Variants in PCNX1 observed in about 807,000 individuals in gnomAD.
PCNX1 encodes pecanex-like protein 1.
A neutral mutation model predicts 242.2 loss-of-function variants in PCNX1; 78 were observed. That is an observed-to-expected ratio of 0.32 (90% CI 0.27 to 0.39). PCNX1 has a LOEUF of 0.39. Ranked by LOEUF, PCNX1 falls within the 10% of genes least tolerant of loss-of-function variation. PCNX1 has a pLI of 1.00. For missense variants in PCNX1, 2,581 were observed against 2,856.5 expected (o/e 0.90, Z 2.20); for synonymous variants, 1,024 against 1,032.9 (o/e 0.99, Z 0.17).
chr14:70,934,811 T>G (rs552156185), intron 1 of PCNX1, among the ~76,000 whole-genome samples: 4 of 152,280 alleles, frequency 2.6e-5, no homozygotes, highest in South Asian at 2.1e-4. Flanking sequence ...AGGGTTTCAG[T>G]TTTGTAAAAC....
chr14:71,041,000 A>T (rs753099983), intron 19 of PCNX1, among the ~76,000 whole-genome samples: 10 of 152,034 alleles, frequency 6.6e-5, no homozygotes, highest in Non-Finnish European at 1.2e-4. Context: ...AAATGACAAA[A>T]TCTCATTCTT....
chr14:71,010,228 T>C (rs2059785910), intron 9 of PCNX1, among the ~76,000 whole-genome samples: 1 of 152,084 alleles, frequency 6.6e-6, no homozygotes, highest in African/African-American at 2.4e-5. Context: ...AGTGGCACAG[T>C]GTTTTCCCAC....
At chr14:70,998,782 A>T (rs1262746519) in intron 8 of PCNX1, among the ~76,000 whole-genome samples, 1 of 150,436 alleles carries the variant, frequency 6.6e-6, no homozygotes, top group African/African-American at 2.4e-5. Flanking sequence ...AGAAAAACTG[A>T]CATAGTTTTC....
In PCNX1 at chr14:71,028,686, C is replaced by A; in HGVS notation, c.3467-14C>A. On this transcript the variant is annotated splice_polypyrimidine_tract_variant and intron_variant, in intron 15 of 35. Transcript: ENST00000304743. The stretch of plus-strand genomic sequence containing the variant: ...TTTATAAAATGTTTCTTACCTTTTC[C>A]TTTTCCTGTCTAGCCACTACAAGCC... 2 of 1,522,588 alleles carry A rather than the reference C, an allele frequency of 1.3e-6. No individual in the cohort carries two copies. The highest frequency in any genetic ancestry group is 2.8e-5 in the African/African-American group (2 of 71,744). The allele number at this position is 1,522,588 out of a possible 1,614,324, so 94.3% of individuals were successfully genotyped here.
At chr14:71,080,111 C>A (rs1238809492) in intron 28 of PCNX1, among the ~76,000 whole-genome samples, 1 of 152,156 alleles carries the variant, frequency 6.6e-6, no homozygotes, top group Non-Finnish European at 1.5e-5. Context: ...TTTCCCAGCA[C>A]CATTTATTAA....
intron 2 of PCNX1, among the ~76,000 whole-genome samples, chr14:70,957,079 T>G (rs2058024968): frequency 6.6e-6 from 1 of 152,098 alleles, no homozygotes; most frequent in African/African-American, 2.4e-5. Context: ...CACTGCAGCC[T>G]TTACCTCCCG....
At chr14:70,913,646 G>A (rs974422416) in intron 1 of PCNX1, among the ~76,000 whole-genome samples, 6 of 152,126 alleles carry the variant, frequency 3.9e-5, no homozygotes, top group African/African-American at 1.4e-4. Flanking sequence ...TCTTTAGAAT[G>A]ATATATCTTT....
rs141753743 is a variant in PCNX1 at position 71,075,334 on chromosome 14, A to G, written c.5107-855A>G. ...TGTTGTTACCTCTCCTCACGACCTT[A>G]TTTGCTGATTGGGATGAACGCTGAG... On this transcript the variant is annotated intron_variant, in intron 27 of 35. Transcript: ENST00000304743. Among the ~76,000 whole-genome samples the G allele has an allele frequency of 7.4e-3, 1,124 of 151,778 alleles. 13 individuals carry two copies. The highest frequency in any genetic ancestry group is 0.025 in the African/African-American group (1,051 of 41,372).
At chr14:71,088,091 G>GT (rs574384286) in intron 28 of PCNX1, among the ~76,000 whole-genome samples, 24 of 151,746 alleles carry the variant, frequency 1.6e-4, no homozygotes, top group Middle Eastern at 3.4e-3. Flanking sequence ...AATAGAGTCA[G>GT]TTTTTTTTGT....
Position 71,026,097 on chromosome 14 carries a change from T to C in PCNX1, c.3184-20T>C, listed in dbSNP as rs376505464. On this transcript the variant is annotated intron_variant, in intron 13 of 35. Coordinates refer to ENST00000304743, the MANE Select transcript of PCNX1 (RefSeq NM_014982.3). Reference sequence around the variant, plus strand: ...CTCTTAAAATTAACCAAACTGACTTTTAAAAAATATCATTTTCAGGGTCAT... The same window carrying C: ...CTCTTAAAATTAACCAAACTGACTTCTAAAAAATATCATTTTCAGGGTCAT... The C allele has an allele frequency of 1.0e-4, 154 of 1,500,434 alleles. No individual in the cohort carries two copies. The highest frequency in any genetic ancestry group is 1.3e-4 in the Non-Finnish European group (144 of 1,109,536). The allele number at this position is 1,500,434 out of a possible 1,614,324, so 92.9% of individuals were successfully genotyped here.
At chr14:71,042,774 CTGAATGTTTTA>C (rs2060747990) in intron 19 of PCNX1, among the ~76,000 whole-genome samples, 1 of 152,026 alleles carries the variant, frequency 6.6e-6, no homozygotes, top group Non-Finnish European at 1.5e-5. Context: ...TCATTGTTTT[CTGAATGTTTTA>C]CATATCCTTT....
intron 7 of PCNX1, 122 bp downstream of exon 7, chr14:70,988,821 A>G: frequency 2.4e-6 from 3 of 1,258,812 alleles, no homozygotes; most frequent in South Asian, 2.9e-5. Context: ...TTTCTTTCCT[A>G]TACATTTAAG....
At chr14:70,990,606 A>G (rs570992690) in intron 7 of PCNX1, among the ~76,000 whole-genome samples, 7 of 152,198 alleles carry the variant, frequency 4.6e-5, no homozygotes, top group Admixed American at 6.5e-5. Flanking sequence ...TCATGTTCCT[A>G]ATTAATTCTT....
intron 5 of PCNX1, among the ~76,000 whole-genome samples, chr14:70,971,784 C>T (rs1417189529): frequency 6.6e-6 from 1 of 152,176 alleles, no homozygotes; most frequent in Non-Finnish European, 1.5e-5. Context: ...GGGGCCCCCT[C>T]CACGCAGAGG....
At chr14:71,077,568 C>G (rs1320916720) in intron 28 of PCNX1, among the ~76,000 whole-genome samples, 2 of 152,136 alleles carry the variant, frequency 1.3e-5, no homozygotes, top group African/African-American at 4.8e-5. Flanking sequence ...TACTTCCTTT[C>G]TGAGCAGTGG....
At chr14:70,927,785 A>G (rs2056647867) in intron 1 of PCNX1, among the ~76,000 whole-genome samples, 1 of 151,728 alleles carries the variant, frequency 6.6e-6, no homozygotes, top group South Asian at 2.1e-4. Context: ...AGACAGTTTC[A>G]CCATGTTGGC....
rs1193255460 is a variant in PCNX1 at position 71,045,202 on chromosome 14, C to T, written c.3937C>T (p.Gln1313Ter). The change falls in exon 20 of 36, where the codon CAA becomes TAA. Residue 1313 changes from glutamine to a stop codon, truncating the protein, a stop_gained. Coordinates refer to ENST00000304743, the MANE Select transcript of PCNX1 (RefSeq NM_014982.3). LOFTEE classifies it high-confidence loss of function. ...VGFVTHYVLPQVRKQLPWHCF... is the reference protein window; with the variant it reads ...VGFVTHYVLP ...TTTTGTAACCCATTATGTGCTGCCT[C>T]AAGTTAGAAAACAGCTACCATGGCA... is the stretch of plus-strand genomic sequence containing the variant. 1 of 1,613,062 alleles carries T rather than the reference C, an allele frequency of 6.2e-7. No individual in the cohort carries two copies. The highest frequency in any genetic ancestry group is 8.5e-7 in the Non-Finnish European group (1 of 1,179,224).
chr14:71,072,174 C>A (rs1055681996), intron 26 of PCNX1, among the ~76,000 whole-genome samples: 2 of 152,110 alleles, frequency 1.3e-5, no homozygotes, highest in Admixed American at 6.6e-5. Context: ...AAAAATGGTA[C>A]CAATAGATTT....
chr14:70,910,229 T>A (rs1233135978), intron 1 of PCNX1, among the ~76,000 whole-genome samples: 3 of 69,472 alleles, frequency 4.3e-5, no homozygotes, highest in Non-Finnish European at 6.3e-5. Flanking sequence ...CTCCTCCTCC[T>A]CTCACCAGCA....
Sources: allele counts gnomAD v4.1 joint callset (sites outside exome capture counted in the v4.1 genomes callset), GRCh38; gene constraint gnomAD v4.1.1; transcripts MANE v1.5; gene names NCBI Gene and HGNC (gene_info 2026-07-23, HGNC 2026-07-21).